Variants in NLGN1 observed in about 807,000 individuals in gnomAD.
NLGN1 encodes the protein neuroligin-1.
Under a neutral mutation model 65.5 loss-of-function variants are expected in NLGN1, and 12 were observed. The observed-to-expected ratio is 0.18, with a 90% CI of 0.12 to 0.30. The LOEUF is 0.30. Ranked by LOEUF, NLGN1 falls within the 10% of genes least tolerant of loss-of-function variation. The probability of loss-of-function intolerance (pLI) is 1.00; values close to 1 mark genes in which losing one functional copy is unlikely to be tolerated. For missense variants in NLGN1, 750 were observed against 1,007.1 expected (o/e 0.74, Z 3.46); for synonymous variants, 350 against 359.5 (o/e 0.97, Z 0.30).
At chr3:174,135,833 T>C (rs6445139) in intron 4 of NLGN1, among the ~76,000 whole-genome samples, 31,944 of 152,052 alleles carry the variant, frequency 0.21, 3,915 homozygotes, top group African/African-American at 0.34. Flanking sequence ...AAGCTAGTAC[T>C]TTTAGGAAAA....
chr3:174,002,750 A>C (rs12491801), intron 4 of NLGN1, among the ~76,000 whole-genome samples: 1 of 148,530 alleles, frequency 6.7e-6, no homozygotes, highest in South Asian at 2.1e-4. Context: ...CCCCTGGGGG[A>C]AAAAAAAATG....
chr3:174,261,164 G>A (rs1220961415), intron 4 of NLGN1, among the ~76,000 whole-genome samples: 1 of 152,040 alleles, frequency 6.6e-6, no homozygotes, highest in Admixed American at 6.6e-5. Context: ...CCTTGGCGAT[G>A]CAGGCTCTTT....
intron 2 of NLGN1, among the ~76,000 whole-genome samples, chr3:173,489,597 C>A (rs893216490): frequency 1.3e-5 from 2 of 152,062 alleles, no homozygotes; most frequent in African/African-American, 4.8e-5. Flanking sequence ...TGGGTATATA[C>A]CCAGTAATGG....
chr3:174,265,214 C>G (rs9820719), intron 4 of NLGN1, among the ~76,000 whole-genome samples: 23,008 of 149,486 alleles, frequency 0.15, 2,114 homozygotes, highest in East Asian at 0.47. Context: ...CCACCTAGTT[C>G]GAGCTTCCCA....
intron 2 of NLGN1, among the ~76,000 whole-genome samples, chr3:173,563,035 A>T (rs933560546): frequency 1.3e-5 from 2 of 152,214 alleles, no homozygotes; most frequent in African/African-American, 4.8e-5. Flanking sequence ...ACCTGAGATG[A>T]TAGGGATTCC....
At chr3:173,949,888 T>G (rs1331793471) in intron 4 of NLGN1, among the ~76,000 whole-genome samples, 1 of 152,168 alleles carries the variant, frequency 6.6e-6, no homozygotes, top group Non-Finnish European at 1.5e-5. Context: ...TGATGGATAT[T>G]TAATCATCTG....
chr3:173,935,624 T>C (rs12491773), intron 4 of NLGN1, among the ~76,000 whole-genome samples: 2 of 49,672 alleles, frequency 4.0e-5, no homozygotes, highest in Admixed American at 3.1e-4. Context: ...ACACACACAC[T>C]CTCTCTCTCT....
chr3:173,789,637 T>C (rs570450337), intron 3 of NLGN1, among the ~76,000 whole-genome samples: 191 of 152,322 alleles, frequency 1.3e-3, no homozygotes, highest in African/African-American at 4.2e-3. Flanking sequence ...TAACTTGGGC[T>C]CTTTGACTAC....
intron 4 of NLGN1, among the ~76,000 whole-genome samples, chr3:174,040,646 C>T (rs1248736169): frequency 6.6e-6 from 1 of 151,726 alleles, no homozygotes; most frequent in Non-Finnish European, 1.5e-5. Flanking sequence ...ATATTTGAGA[C>T]CTCATTGTCT....
intron 2 of NLGN1, among the ~76,000 whole-genome samples, chr3:173,550,552 A>G (rs779034320): frequency 3.3e-5 from 5 of 152,132 alleles, no homozygotes; most frequent in African/African-American, 1.2e-4. Context: ...GATAATAAGT[A>G]TATTTCCTAA....
chr3:173,691,777 T>C (rs1288199377), intron 3 of NLGN1, among the ~76,000 whole-genome samples: 1 of 152,036 alleles, frequency 6.6e-6, no homozygotes, highest in Non-Finnish European at 1.5e-5. Flanking sequence ...ACTGAACAGC[T>C]TCCAAAACCA....
At chr3:173,516,953 T>A (rs181743516) in intron 2 of NLGN1, among the ~76,000 whole-genome samples, 46 of 152,212 alleles carry the variant, frequency 3.0e-4, no homozygotes, top group South Asian at 1.7e-3. Context: ...ATTCTATTTA[T>A]ATACATATTA....
chr3:174,082,950 C>T (rs1742539273), intron 4 of NLGN1, among the ~76,000 whole-genome samples: 1 of 152,196 alleles, frequency 6.6e-6, no homozygotes, highest in African/African-American at 2.4e-5. Context: ...TGGTCTTGAA[C>T]TCCTGACCTC....
At chr3:173,505,453 T>C (rs776380883) in intron 2 of NLGN1, among the ~76,000 whole-genome samples, 3 of 152,116 alleles carry the variant, frequency 2.0e-5, no homozygotes, top group Non-Finnish European at 4.4e-5. Flanking sequence ...TTAGTGACCA[T>C]GTGTTTAATA....
At chr3:173,471,740 C>T (rs1725345977) in intron 2 of NLGN1, among the ~76,000 whole-genome samples, 1 of 152,076 alleles carries the variant, frequency 6.6e-6, no homozygotes, top group Non-Finnish European at 1.5e-5. Flanking sequence ...TTGTTCTTCA[C>T]TGTCCCTCCA....
At chr3:173,991,799 T>G (rs1051444172) in intron 4 of NLGN1, among the ~76,000 whole-genome samples, 30 of 152,122 alleles carry the variant, frequency 2.0e-4, no homozygotes, top group African/African-American at 5.5e-4. Context: ...CTTGTGTTTT[T>G]TTGTTGTTGT....
chr3:173,486,955 C>G (rs1728270098), intron 2 of NLGN1, among the ~76,000 whole-genome samples: 2 of 151,194 alleles, frequency 1.3e-5, no homozygotes, highest in African/African-American at 4.9e-5. Flanking sequence ...ATGACTACTC[C>G]TCTAAGTAAA....
chr3:174,156,983 T>C (rs1026210520), intron 4 of NLGN1, among the ~76,000 whole-genome samples: 4 of 149,504 alleles, frequency 2.7e-5, no homozygotes, highest in African/African-American at 9.8e-5. Context: ...TTAAGGAATA[T>C]ATGTATATTT....
intron 1 of NLGN1, among the ~76,000 whole-genome samples, chr3:173,427,225 T>C (rs759180903): frequency 1.3e-5 from 2 of 151,994 alleles, no homozygotes; most frequent in Non-Finnish European, 2.9e-5. Flanking sequence ...TTAGTCACAC[T>C]AAGGTTTATC....
Sources: gnomAD v4.1 joint callset for allele counts (sites outside exome capture counted in the v4.1 genomes callset) on GRCh38, gnomAD v4.1.1 for gene constraint, MANE v1.5 for transcripts, NCBI Gene and HGNC (gene_info 2026-07-23, HGNC 2026-07-21) for gene names.